SLCO3A1: variants seen among roughly 807,000 people sequenced by gnomAD.
SLCO3A1 encodes solute carrier organic anion transporter family member 3A1.
A neutral mutation model predicts 63.1 loss-of-function variants in SLCO3A1; 27 were observed. That is an observed-to-expected ratio of 0.43 (90% CI 0.32 to 0.59). SLCO3A1 has a LOEUF of 0.59. Among genes scored for constraint, SLCO3A1 ranks in the 20% least tolerant of loss-of-function variants. The probability of loss-of-function intolerance (pLI) is 0.09; values close to 1 mark genes in which losing one functional copy is unlikely to be tolerated. For synonymous variants in SLCO3A1, 473 were observed against 409.9 expected (o/e 1.15, Z -1.86); for missense variants, 773 against 945.8 (o/e 0.82, Z 2.40).
chr15:91,889,214 TA>T (rs1320118662), intron 1 of SLCO3A1: 1 of 1,260,716 alleles, frequency 7.9e-7, no homozygotes, highest in Non-Finnish European at 1.0e-6. Flanking sequence ...ATGTAAGTTC[TA>T]AAATTGTTGC....
At chr15:91,936,386 G>A (rs1355772490) in intron 2 of SLCO3A1, among the ~76,000 whole-genome samples, 1 of 152,198 alleles carries the variant, frequency 6.6e-6, no homozygotes, top group Non-Finnish European at 1.5e-5. Context: ...GAAAAACTCA[G>A]TTCCTCATTT....
intron 2 of SLCO3A1, among the ~76,000 whole-genome samples, chr15:92,005,207 C>T (rs1311838339): frequency 6.6e-6 from 1 of 152,168 alleles, no homozygotes; most frequent in Non-Finnish European, 1.5e-5. Context: ...AAGTGATTGG[C>T]CTTTGAACAG....
intron 2 of SLCO3A1, among the ~76,000 whole-genome samples, chr15:91,925,550 A>G (rs1289909589): frequency 6.6e-6 from 1 of 150,426 alleles, no homozygotes; most frequent in Non-Finnish European, 1.5e-5. Flanking sequence ...AGAAGTGGCC[A>G]TGTGGTCAGT....
intron 9 of SLCO3A1, among the ~76,000 whole-genome samples, chr15:92,158,429 T>C (rs1007581212): frequency 1.3e-5 from 2 of 152,090 alleles, no homozygotes; most frequent in African/African-American, 4.8e-5. Context: ...ACAAATAATC[T>C]CACTCTCAGT....
At chr15:91,901,821 T>C (rs1040982895) in intron 1 of SLCO3A1, among the ~76,000 whole-genome samples, 13 of 152,170 alleles carry the variant, frequency 8.5e-5, no homozygotes, top group African/African-American at 3.1e-4. Flanking sequence ...GTGTTTGTTC[T>C]TCTTTGGGGT....
chr15:92,123,270 C>A (rs995240834), intron 5 of SLCO3A1, among the ~76,000 whole-genome samples: 17 of 152,128 alleles, frequency 1.1e-4, no homozygotes, highest in Admixed American at 8.5e-4. Flanking sequence ...ACTAAAAATA[C>A]AAAAATTAGG....
intron 1 of SLCO3A1, among the ~76,000 whole-genome samples, chr15:91,891,581 T>A (rs1345213717): frequency 6.6e-6 from 1 of 152,172 alleles, no homozygotes; most frequent in Non-Finnish European, 1.5e-5. Flanking sequence ...TGAGGCTCAC[T>A]AGTGTTAATT....
intron 9 of SLCO3A1, among the ~76,000 whole-genome samples, chr15:92,156,799 A>G (rs1035348331): frequency 8.1e-5 from 11 of 135,286 alleles, no homozygotes; most frequent in East Asian, 3.9e-4. Context: ...AGAGAAACAG[A>G]TATCTTTTTA....
chr15:92,029,700 C>T (rs1371285562), intron 2 of SLCO3A1, among the ~76,000 whole-genome samples: 6 of 151,188 alleles, frequency 4.0e-5, no homozygotes, highest in Non-Finnish European at 7.4e-5. Flanking sequence ...TATGTAGTCG[C>T]GCTGACACTG....
intron 2 of SLCO3A1, among the ~76,000 whole-genome samples, chr15:92,037,459 G>A (rs1459887384): frequency 6.6e-6 from 1 of 152,180 alleles, no homozygotes; most frequent in Non-Finnish European, 1.5e-5. Context: ...AAAGCCCAGT[G>A]CAAAATGAAG....
At chr15:91,989,001 T>C (rs2046091270) in intron 2 of SLCO3A1, among the ~76,000 whole-genome samples, 1 of 152,208 alleles carries the variant, frequency 6.6e-6, no homozygotes, top group Admixed American at 6.5e-5. Flanking sequence ...CAGTCTCTTG[T>C]GTCTCCTTGT....
At chr15:91,929,179 C>G (rs1899135562) in intron 2 of SLCO3A1, among the ~76,000 whole-genome samples, 1 of 152,112 alleles carries the variant, frequency 6.6e-6, no homozygotes, top group Non-Finnish European at 1.5e-5. Context: ...GTGGCGTGTC[C>G]ACATACATGA....
intron 2 of SLCO3A1, among the ~76,000 whole-genome samples, chr15:92,003,913 C>T (rs1327840761): frequency 6.6e-6 from 1 of 152,192 alleles, no homozygotes; most frequent in Non-Finnish European, 1.5e-5. Context: ...AGCTGGGGAC[C>T]TGCTGCAGAA....
At chr15:92,125,146 T>G (rs1339574763) in intron 5 of SLCO3A1, among the ~76,000 whole-genome samples, 8 of 152,216 alleles carry the variant, frequency 5.3e-5, no homozygotes, top group Admixed American at 3.9e-4. Context: ...TTGCATTCCC[T>G]TAGCACATAC....
At chr15:91,884,839 A>T (rs1350144325) in intron 1 of SLCO3A1, among the ~76,000 whole-genome samples, 2 of 151,260 alleles carry the variant, frequency 1.3e-5, no homozygotes, top group African/African-American at 4.9e-5. Context: ...GCATATTTTC[A>T]TATATTATCT....
chr15:91,946,877 C>T (rs1017750953), intron 2 of SLCO3A1, among the ~76,000 whole-genome samples: 4 of 152,168 alleles, frequency 2.6e-5, no homozygotes, highest in South Asian at 2.1e-4. Context: ...TTCTAGCCAA[C>T]GGAACCTGCC....
intron 1 of SLCO3A1, among the ~76,000 whole-genome samples, chr15:91,857,767 A>T (rs1317994778): frequency 1.3e-5 from 2 of 152,274 alleles, no homozygotes; most frequent in East Asian, 3.9e-4. Flanking sequence ...GGAGTAGATA[A>T]GGGTGTGTAC....
At chr15:92,102,084 C>T (rs990700795) in intron 3 of SLCO3A1, among the ~76,000 whole-genome samples, 1 of 152,068 alleles carries the variant, frequency 6.6e-6, no homozygotes, top group Non-Finnish European at 1.5e-5. Flanking sequence ...TCTCTTTACC[C>T]GCTCACATCT....
At chr15:92,088,337 A>G (rs2047431027) in intron 2 of SLCO3A1, among the ~76,000 whole-genome samples, 2 of 152,242 alleles carry the variant, frequency 1.3e-5, no homozygotes, top group African/African-American at 2.4e-5. Flanking sequence ...AGTCAACACC[A>G]GGACTGAGAA....
Sources: gnomAD v4.1 joint callset for allele counts (sites outside exome capture counted in the v4.1 genomes callset) on GRCh38, gnomAD v4.1.1 for gene constraint, MANE v1.5 for transcripts, NCBI Gene and HGNC (gene_info 2026-07-23, HGNC 2026-07-21) for gene names.